Variants in TMEM18 observed in about 807,000 individuals in gnomAD.
TMEM18 encodes the protein transmembrane protein 18.
Under a neutral mutation model 17.4 loss-of-function variants are expected in TMEM18, and 14 were observed. That is an observed-to-expected ratio of 0.80 (90% CI 0.53 to 1.25). The LOEUF (loss-of-function observed/expected upper bound fraction) is 1.25, where lower values mean the gene tolerates loss of function less well. TMEM18 is among the 50% of genes most tolerant of loss of function. The pLI is 0.00. For missense variants in TMEM18, 187 were observed against 172.1 expected, an observed-to-expected ratio of 1.09 and a Z score of -0.48; for synonymous variants, 86 against 66.1, an observed-to-expected ratio of 1.30 and a Z score of -1.46.
chr2:672,850 T>G lies in TMEM18; in HGVS notation c.191A>C (p.Tyr64Ser), dbSNP rs780378138. 2.0e-6 allele frequency: 3 copies of G among 1,507,018 alleles called. No homozygotes were observed. In the Admixed American group the frequency reaches 8.5e-5, roughly 43 times the overall value. 93.4% of individuals were successfully genotyped at this position (1,507,018 alleles called of 1,614,324 possible). A position where few individuals can be genotyped will look rare whatever the true frequency, so the allele number is the denominator to read the frequency against. Residue 64 changes from tyrosine to serine, a missense_variant, in exon 3 of 5, where the codon TAC (tyrosine) becomes TCC (serine). Physicochemically the swap from Tyr to Ser is moderately radical, Grantham distance 144. Coordinates refer to ENST00000281017, the MANE Select transcript of TMEM18 (RefSeq NM_152834.4). ...CGCCTCATTGATGTATTCAGCACAG[T>G]AGACTAAGATGACTGAAAAAAGGTA... ...GHFLCLVILV[Y>S]CAEYINEAAA...
intron 2 of TMEM18, 52 bp downstream of exon 2, chr2:675,458 G>A: frequency 6.2e-7 from 1 of 1,612,678 alleles, no homozygotes; most frequent in Admixed American, 1.7e-5. Flanking sequence ...AACATACACA[G>A]TTTCATTTCA....
Position 675,542 on chromosome 2 carries a change from T to C in TMEM18, c.146A>G (p.Tyr49Cys). ...VLLTCLSSRS[Y>C]RLQIGHFLCL... is the part of the protein sequence containing the mutation. Reference sequence around the variant, plus strand: ...CAGAAAGTGCCCGATCTGTAGTCTGTAGCTTCGGGAGGACAAGCAGGTGAG... The same window carrying C: ...CAGAAAGTGCCCGATCTGTAGTCTGCAGCTTCGGGAGGACAAGCAGGTGAG... The change falls in exon 2 of 5, where the codon TAC becomes TGC. Residue 49 changes from tyrosine to cysteine, a missense_variant. Transcript: ENST00000281017. 3.1e-6 allele frequency: 5 copies of C among 1,614,238 alleles called. No homozygotes were observed. Among genetic ancestry groups the C allele is most frequent in the Non-Finnish European group, 4.2e-6 (5 of 1,180,040 alleles).
At position 675,593 on chromosome 2, in the gene TMEM18, G is replaced by A. The variant is rs771951517; in HGVS notation, c.95C>T (p.Ala32Val). The change falls in exon 2 of 5, where the codon GCC (alanine) becomes GTC (valine). Residue 32 changes from alanine to valine, a missense_variant. By Grantham distance (64) the Ala-to-Val change is moderately conservative (BLOSUM62 0). Coordinates refer to ENST00000281017, the MANE Select transcript of TMEM18 (RefSeq NM_152834.4). Reference sequence around the variant, plus strand: ...GAGCACGCAGAGCGCGTGGAAGGTGGCCAGCCCCATGAGCCAGGGCTCAGT... The same window carrying A: ...GAGCACGCAGAGCGCGTGGAAGGTGACCAGCCCCATGAGCCAGGGCTCAGT... ...DWTEPWLMGL[A>V]TFHALCVLLT... 2 of 1,614,132 alleles carry A rather than the reference G, an allele frequency of 1.2e-6. No individual in the cohort carries two copies. The highest frequency in any genetic ancestry group is 1.7e-6 in the Non-Finnish European group (2 of 1,180,046).
rs992241584 is a variant in TMEM18, at chr2:665,073, T to C, written c.*4507A>G. Among the ~76,000 whole-genome samples, 1 of 152,116 alleles carries C rather than the reference T, an allele frequency of 6.6e-6. No individual in the cohort carries two copies. The highest frequency in any genetic ancestry group is 2.4e-5 in the African/African-American group (1 of 41,412). On this transcript the variant is annotated 3_prime_UTR_variant, in exon 5 of 5. Coordinates refer to ENST00000281017, the MANE Select transcript of TMEM18 (RefSeq NM_152834.4). ...ATGTTATATAAGAAATAACCAAACA[T>C]GGGTAAGGCAGAGGAAAGACCAGCA... is the stretch of plus-strand genomic sequence containing the variant.
At chr2:675,976 C>T in intron 1 of TMEM18, 3 of 1,319,290 alleles carry the variant, frequency 2.3e-6, no homozygotes, top group Non-Finnish European at 3.0e-6. Context: ...GAATTACCAT[C>T]CTTTACGATG....
intron 2 of TMEM18, 33 bp from the exon 3 acceptor site, chr2:672,895 G>C (rs374462174): frequency 4.0e-6 from 6 of 1,498,864 alleles, no homozygotes; most frequent in Non-Finnish European, 5.3e-6. Context: ...TTAGAATTTA[G>C]ATGGCCCGTT....
chr2:670,112 C>A, intron 3 of TMEM18: 1 of 424,580 alleles, frequency 2.4e-6, no homozygotes, highest in Non-Finnish European at 4.2e-6. Context: ...CGAGGCCTCC[C>A]CCAGCAGAGA....
chr2:672,436 A>G (rs1375840367), intron 3 of TMEM18, among the ~76,000 whole-genome samples: 2 of 152,144 alleles, frequency 1.3e-5, no homozygotes, highest in African/African-American at 4.8e-5. Flanking sequence ...ACTCAGGTCC[A>G]GACTCCCCAT....
chr2:672,552 C>T (rs981997834), intron 3 of TMEM18, among the ~76,000 whole-genome samples: 21 of 152,276 alleles, frequency 1.4e-4, no homozygotes, highest in African/African-American at 5.1e-4. Flanking sequence ...ATTCCCATGG[C>T]CACTTCTCTG....
intron 3 of TMEM18, among the ~76,000 whole-genome samples, chr2:671,252 C>A (rs1357707140): frequency 2.0e-5 from 3 of 152,124 alleles, no homozygotes; most frequent in African/African-American, 7.2e-5. Context: ...AGGGAGGGGC[C>A]AGAAAGGTGC....
intron 1 of TMEM18, chr2:676,440 C>T (rs1659221266): frequency 8.9e-7 from 1 of 1,123,750 alleles, no homozygotes; most frequent in African/African-American, 1.6e-5. Context: ...CCCGCCCTGC[C>T]CTCCAAGCTG....
In TMEM18 at chr2:669,762, T is replaced by C. The variant is rs756981253; in HGVS notation, c.322A>G (p.Ile108Val). 2.7e-5 allele frequency: 43 copies of C among 1,614,078 alleles called. No homozygotes were observed. The highest frequency in any genetic ancestry group is 3.6e-5 in the Non-Finnish European group (42 of 1,179,984). ...SAPLLVNAMI[I>V]VVMWVWKTLN... Reference sequence around the variant, plus strand: ...TGAAAGTGTCATCTACGTACCACAATGATCATGGCATTCACCAGCAGTGGG... The same window carrying C: ...TGAAAGTGTCATCTACGTACCACAACGATCATGGCATTCACCAGCAGTGGG... The change falls in exon 4 of 5, where the codon ATT (isoleucine) becomes GTT (valine). Residue 108 changes from isoleucine (I) to valine (V), a missense_variant. Ile to Val is a conservative substitution (Grantham distance 29, BLOSUM62 3). Coordinates refer to ENST00000281017, the MANE Select transcript of TMEM18 (RefSeq NM_152834.4).
rs1678780256 is a variant in TMEM18, at chr2:669,515, A to G, written c.*65T>C. 2 of 1,511,230 alleles carry G rather than the reference A, an allele frequency of 1.3e-6. No homozygotes were observed. The highest frequency in any genetic ancestry group is 1.7e-4 in the Middle Eastern group (1 of 5,808). 93.6% of individuals were successfully genotyped at this position (1,511,230 alleles called of 1,614,324 possible). ...CTGGAAGGATGCCCACGCCACGCACACTGCAGCACTGGGAGCTGCACTGGG... is the reference window on the plus strand; with the variant it reads ...CTGGAAGGATGCCCACGCCACGCACGCTGCAGCACTGGGAGCTGCACTGGG... On this transcript the variant is annotated 3_prime_UTR_variant, in exon 5 of 5. Transcript: ENST00000281017.
At chr2:673,786 G>A (rs979620293) in intron 2 of TMEM18, among the ~76,000 whole-genome samples, 13 of 149,678 alleles carry the variant, frequency 8.7e-5, no homozygotes, top group African/African-American at 3.2e-4. Context: ...GGAAGGAGGG[G>A]AAGGAGGAGG....
chr2:676,742 C>A, intron 1 of TMEM18: 3 of 1,133,204 alleles, frequency 2.6e-6, no homozygotes, highest in Non-Finnish European at 3.7e-6. Flanking sequence ...TTCCTCCGTG[C>A]CACCCCACAC....
rs894667425 is a variant in TMEM18 at position 672,695 on chromosome 2, GCA to G, written c.233+111_233+112del. ...CCCTGGATGCACGGGCACGGGCTGT[GCA>G]CAGCTGCCACGTTAGGATTCACTGT... On this transcript the variant is annotated intron_variant, in intron 3 of 4. Coordinates refer to ENST00000281017, the MANE Select transcript of TMEM18 (RefSeq NM_152834.4). 4.4e-5 allele frequency: 43 copies of G among 986,140 alleles called. No individual in the cohort carries two copies. The African/African-American group carries it at 4.8e-4, about 11-fold the overall frequency. 61.1% of individuals were successfully genotyped at this position (986,140 alleles called of 1,614,324 possible).
chr2:671,842 T>C (rs928434998), intron 3 of TMEM18, among the ~76,000 whole-genome samples: 1 of 149,248 alleles, frequency 6.7e-6, no homozygotes, highest in Admixed American at 6.7e-5. Context: ...CTCCTGGGAC[T>C]GAACCATGTG....
intron 1 of TMEM18, chr2:676,343 C>G: frequency 6.9e-7 from 1 of 1,458,728 alleles, no homozygotes; most frequent in Non-Finnish European, 9.1e-7. Context: ...GTCCTCAACC[C>G]TCCCCATCCC....
chr2:672,691 C>T, intron 3 of TMEM18, 117 bp downstream of exon 3: 3 of 912,218 alleles, frequency 3.3e-6, no homozygotes, highest in African/African-American at 1.7e-5. Flanking sequence ...CGGGCACGGG[C>T]TGTGCACAGC....
Sources: allele counts gnomAD v4.1 joint callset (sites outside exome capture counted in the v4.1 genomes callset), GRCh38; gene constraint gnomAD v4.1.1; transcripts MANE v1.5; gene names NCBI Gene and HGNC (gene_info 2026-07-23, HGNC 2026-07-21).